The following CACNG2 variants were observed in gnomAD, a reference collection of about 807,000 sequenced individuals.
The protein encoded by CACNG2 is voltage-dependent calcium channel gamma-2 subunit.
Under a neutral mutation model 25.9 loss-of-function variants are expected in CACNG2, and 3 were observed. The observed-to-expected ratio is 0.12, with a 90% CI of 0.05 to 0.30. The LOEUF (loss-of-function observed/expected upper bound fraction) is 0.30, where lower values mean the gene tolerates loss of function less well. Among genes scored for constraint, CACNG2 ranks in the 10% least tolerant of loss-of-function variants. CACNG2 has a pLI of 1.00. For synonymous variants in CACNG2, 167 were observed against 173.3 expected (o/e 0.96, Z 0.29); for missense variants, 341 against 432.5 (o/e 0.79, Z 1.88).
intron 1 of CACNG2, among the ~76,000 whole-genome samples, chr22:36,634,595 G>C (rs1292392315): frequency 6.6e-6 from 1 of 152,186 alleles, no homozygotes; most frequent in Non-Finnish European, 1.5e-5. Context: ...TAGGAGGGTT[G>C]AAATAGACTT....
chr22:36,672,690 C>A (rs1271830418), intron 1 of CACNG2, among the ~76,000 whole-genome samples: 6 of 152,214 alleles, frequency 3.9e-5, no homozygotes, highest in African/African-American at 1.4e-4. Flanking sequence ...CCCTGCAAAG[C>A]CCATTCTTCC....
intron 1 of CACNG2, among the ~76,000 whole-genome samples, chr22:36,626,703 G>A (rs897733651): frequency 6.6e-6 from 1 of 152,154 alleles, no homozygotes; most frequent in African/African-American, 2.4e-5. Flanking sequence ...TTGCTTTTGG[G>A]AGATTTTCCA....
At chr22:36,673,748 T>TGAGG (rs900795578) in intron 1 of CACNG2, among the ~76,000 whole-genome samples, 2 of 152,162 alleles carry the variant, frequency 1.3e-5, no homozygotes, top group African/African-American at 4.8e-5. Flanking sequence ...TGCCTTGATA[T>TGAGG]GAGGCCCTCA....
intron 1 of CACNG2, among the ~76,000 whole-genome samples, chr22:36,641,201 A>G (rs1464147552): frequency 1.3e-5 from 2 of 152,132 alleles, no homozygotes; most frequent in African/African-American, 4.8e-5. Context: ...CACCTGATAA[A>G]CATTTATGCA....
chr22:36,610,277 T>G (rs1935918889), intron 1 of CACNG2, among the ~76,000 whole-genome samples: 1 of 144,914 alleles, frequency 6.9e-6, no homozygotes, highest in Non-Finnish European at 1.5e-5. Context: ...CCTTAGAGCG[T>G]GATTGGGCAG....
At chr22:36,672,364 C>T (rs1365373279) in intron 1 of CACNG2, among the ~76,000 whole-genome samples, 4 of 152,108 alleles carry the variant, frequency 2.6e-5, no homozygotes, top group African/African-American at 9.7e-5. Flanking sequence ...CACTTTGTTG[C>T]CCAGCCTGGT....
chr22:36,629,972 C>T (rs1218599447), intron 1 of CACNG2, among the ~76,000 whole-genome samples: 4 of 152,212 alleles, frequency 2.6e-5, no homozygotes, highest in African/African-American at 4.8e-5. Context: ...GAGAAATCAC[C>T]TTCCATGCTG....
At chr22:36,575,916 C>T (rs1935304853) in intron 2 of CACNG2, among the ~76,000 whole-genome samples, 1 of 152,224 alleles carries the variant, frequency 6.6e-6, no homozygotes, top group Non-Finnish European at 1.5e-5. Flanking sequence ...GATCAATCCG[C>T]ATTAGGGGAT....
intron 1 of CACNG2, among the ~76,000 whole-genome samples, chr22:36,635,331 T>C (rs992877359): frequency 3.9e-5 from 6 of 152,104 alleles, no homozygotes; most frequent in Non-Finnish European, 7.4e-5. Flanking sequence ...GAATTTCTAT[T>C]TTATTCTGGG....
chr22:36,581,493 C>T (rs975680586), intron 2 of CACNG2, among the ~76,000 whole-genome samples: 4 of 152,228 alleles, frequency 2.6e-5, no homozygotes, highest in Non-Finnish European at 4.4e-5. Flanking sequence ...TTTCCACCCC[C>T]GGAGATGAGC....
intron 1 of CACNG2, among the ~76,000 whole-genome samples, chr22:36,643,067 TTC>T (rs919390433): frequency 8.3e-5 from 12 of 144,560 alleles, no homozygotes; most frequent in African/African-American, 3.0e-4. Flanking sequence ...TCTCTTTATC[TTC>T]TTTTTCCTTC....
chr22:36,573,950 T>C (rs1042050254), intron 2 of CACNG2, among the ~76,000 whole-genome samples: 7 of 151,938 alleles, frequency 4.6e-5, no homozygotes, highest in South Asian at 2.1e-4. Flanking sequence ...GGAGGAGGCA[T>C]GGCTCCTTCA....
chr22:36,574,562 C>T (rs916211828), intron 2 of CACNG2, among the ~76,000 whole-genome samples: 1 of 152,102 alleles, frequency 6.6e-6, no homozygotes, highest in Admixed American at 6.5e-5. Context: ...CGGTGGATCA[C>T]CTGAGGTCAG....
intron 2 of CACNG2, among the ~76,000 whole-genome samples, chr22:36,567,849 T>TTTA (rs1051589563): frequency 6.6e-6 from 1 of 152,018 alleles, no homozygotes; most frequent in African/African-American, 2.4e-5. Context: ...ATATGTCTTC[T>TTTA]TTATTATTAT....
At chr22:36,579,202 T>C (rs1277403877) in intron 2 of CACNG2, among the ~76,000 whole-genome samples, 1 of 151,888 alleles carries the variant, frequency 6.6e-6, no homozygotes, top group East Asian at 1.9e-4. Context: ...GTCAGGAGTT[T>C]GAGACCAGCC....
chr22:36,594,651 G>C (rs1404304005), intron 1 of CACNG2, among the ~76,000 whole-genome samples: 1 of 152,150 alleles, frequency 6.6e-6, no homozygotes, highest in Non-Finnish European at 1.5e-5. Flanking sequence ...AAGTCAGCCT[G>C]ATGAAGCAGG....
chr22:36,664,531 G>T (rs78094770), intron 1 of CACNG2, among the ~76,000 whole-genome samples: 6,587 of 152,218 alleles, frequency 0.043, 272 homozygotes, highest in African/African-American at 0.099. Context: ...ACCCCTTTCC[G>T]GGCTAGGGAT....
intron 1 of CACNG2, among the ~76,000 whole-genome samples, chr22:36,687,810 C>A (rs1184043249): frequency 6.6e-6 from 1 of 152,048 alleles, no homozygotes; most frequent in African/African-American, 2.4e-5. Flanking sequence ...ACAACTCTGG[C>A]TTTAAAGATA....
intron 2 of CACNG2, among the ~76,000 whole-genome samples, chr22:36,574,017 G>A (rs998915987): frequency 1.8e-4 from 28 of 152,052 alleles, no homozygotes; most frequent in Non-Finnish European, 3.1e-4. Context: ...GGGGAGCACT[G>A]AAGGGAGGAG....
Sources: allele counts gnomAD v4.1 joint callset (sites outside exome capture counted in the v4.1 genomes callset), GRCh38; gene constraint gnomAD v4.1.1; transcripts MANE v1.5; gene names NCBI Gene and HGNC (gene_info 2026-07-23, HGNC 2026-07-21).